KCND2: variants seen among roughly 807,000 people sequenced by gnomAD.
KCND2 encodes the protein potassium voltage-gated channel subfamily D member 2, also known as A-type voltage-gated potassium channel KCND2.
KCND2 carries 16 observed loss-of-function variants against 54.4 expected under a neutral mutation model. The ratio of observed to expected loss-of-function variants is 0.29; its 90% confidence interval spans 0.20 to 0.45. The LOEUF (loss-of-function observed/expected upper bound fraction) is 0.45. KCND2 is among the 20% of genes least tolerant of loss of function. The pLI, the probability that KCND2 is intolerant of heterozygous loss-of-function variation, is 1.00. For missense variants in KCND2, 486 were observed against 824.2 expected, an observed-to-expected ratio of 0.59 and a Z score of 5.02; for synonymous variants, 317 against 310.7, an observed-to-expected ratio of 1.02 and a Z score of -0.21.
At chr7:120,386,515 C>G (rs1327522847) in intron 1 of KCND2, among the ~76,000 whole-genome samples, 1 of 152,088 alleles carries the variant, frequency 6.6e-6, no homozygotes, top group Non-Finnish European at 1.5e-5. Flanking sequence ...AGAGTAAATA[C>G]AATTACAAAT....
chr7:120,426,299 T>C (rs1431935010), intron 1 of KCND2, among the ~76,000 whole-genome samples: 2 of 152,160 alleles, frequency 1.3e-5, no homozygotes, highest in Non-Finnish European at 2.9e-5. Context: ...CATTCTCTTA[T>C]GTCTCAAAGA....
intron 1 of KCND2, among the ~76,000 whole-genome samples, chr7:120,459,577 A>C (rs1462959254): frequency 6.6e-6 from 1 of 152,206 alleles, no homozygotes; most frequent in African/African-American, 2.4e-5. Flanking sequence ...AGATCAATGA[A>C]AGCAAGGATT....
intron 1 of KCND2, among the ~76,000 whole-genome samples, chr7:120,579,166 G>A (rs986755522): frequency 1.1e-4 from 17 of 151,792 alleles, no homozygotes; most frequent in African/African-American, 3.6e-4. Context: ...AAAGAGGATA[G>A]AGATAAAATT....
At chr7:120,398,174 C>T (rs922270563) in intron 1 of KCND2, among the ~76,000 whole-genome samples, 4 of 147,598 alleles carry the variant, frequency 2.7e-5, no homozygotes, top group Non-Finnish European at 5.9e-5. Flanking sequence ...CACACACACA[C>T]ACACACATAT....
chr7:120,746,108 A>C (rs919771658), intron 5 of KCND2, 81 bp downstream of exon 5: 7 of 1,501,992 alleles, frequency 4.7e-6, no homozygotes, highest in Non-Finnish European at 6.4e-6. Context: ...TGTCACTTAC[A>C]TGGCATCTAA....
intron 1 of KCND2, among the ~76,000 whole-genome samples, chr7:120,293,393 A>T (rs1799464635): frequency 6.6e-6 from 1 of 151,834 alleles, no homozygotes; most frequent in South Asian, 2.1e-4. Context: ...GAGAAGGAAG[A>T]CTCTATAACA....
chr7:120,376,457 A>T (rs1180574696), intron 1 of KCND2, among the ~76,000 whole-genome samples: 1 of 151,128 alleles, frequency 6.6e-6, no homozygotes, highest in Non-Finnish European at 1.5e-5. Flanking sequence ...CAGTTTTTAA[A>T]ATATTTTTAC....
chr7:120,702,051 T>G (rs75213725), intron 1 of KCND2, among the ~76,000 whole-genome samples: 1 of 151,964 alleles, frequency 6.6e-6, no homozygotes, highest in African/African-American at 2.4e-5. Flanking sequence ...TCAAAAACTA[T>G]GTACCTGACA....
intron 1 of KCND2, among the ~76,000 whole-genome samples, chr7:120,354,056 T>C (rs1800455392): frequency 6.6e-6 from 1 of 152,182 alleles, no homozygotes; most frequent in Non-Finnish European, 1.5e-5. Flanking sequence ...CATATGAAAG[T>C]ACACTTATTG....
intron 1 of KCND2, among the ~76,000 whole-genome samples, chr7:120,681,658 T>C (rs1243666797): frequency 6.6e-6 from 1 of 152,080 alleles, no homozygotes; most frequent in Admixed American, 6.6e-5. Flanking sequence ...AAGTGAGTTT[T>C]AGGCTTTCTA....
At chr7:120,624,084 T>C in intron 1 of KCND2, among the ~76,000 whole-genome samples, 1 of 152,162 alleles carries the variant, frequency 6.6e-6, no homozygotes, top group East Asian at 1.9e-4. Flanking sequence ...AAATTGTCAA[T>C]GGCAAAGAAA....
intron 1 of KCND2, among the ~76,000 whole-genome samples, chr7:120,655,394 G>A (rs141209739): frequency 6.6e-6 from 1 of 151,766 alleles, no homozygotes; most frequent in Non-Finnish European, 1.5e-5. Flanking sequence ...ACTTATTCAG[G>A]GTTGCATTCC....
chr7:120,416,405 A>C (rs1801525932), intron 1 of KCND2, among the ~76,000 whole-genome samples: 1 of 152,184 alleles, frequency 6.6e-6, no homozygotes, highest in Admixed American at 6.5e-5. Flanking sequence ...ATAGCTCAAA[A>C]ATCACTTCTT....
chr7:120,397,972 AGT>A lies in KCND2; in HGVS notation c.1115+122248_1115+122249del, dbSNP rs372421333. 8.4e-3 allele frequency among the ~76,000 whole-genome samples: 920 copies of A among 109,142 alleles called. 4 individuals are homozygous for A. Among genetic ancestry groups the A allele is most frequent in the African/African-American group, 0.015 (418 of 28,454 alleles). The allele number at this position is 109,142 out of a possible 152,430, so 71.6% of individuals were successfully genotyped here. On this transcript the variant is annotated intron_variant, in intron 1 of 5. Coordinates refer to ENST00000331113, the MANE Select transcript of KCND2 (RefSeq NM_012281.3). ...ACATAACTATATGTGTGTGTATATA[AGT>A]GTGTGTGTGTGTGTGTGTGTGTATA... is the stretch of plus-strand genomic sequence containing the variant.
At chr7:120,290,974 G>A (rs1799427784) in intron 1 of KCND2, among the ~76,000 whole-genome samples, 1 of 151,816 alleles carries the variant, frequency 6.6e-6, no homozygotes, top group African/African-American at 2.4e-5. Context: ...GATTTATTTG[G>A]CACTCATATC....
At chr7:120,433,133 C>T (rs189204106) in intron 1 of KCND2, among the ~76,000 whole-genome samples, 5 of 152,240 alleles carry the variant, frequency 3.3e-5, no homozygotes, top group Non-Finnish European at 5.9e-5. Flanking sequence ...CGTGTGGACG[C>T]TTTTTCAAAT....
At chr7:120,638,564 C>T (rs1489023876) in intron 1 of KCND2, among the ~76,000 whole-genome samples, 1 of 152,002 alleles carries the variant, frequency 6.6e-6, no homozygotes, top group Non-Finnish European at 1.5e-5. Context: ...TATGTGGATC[C>T]TAAAATAGTG....
At chr7:120,480,160 A>G (rs1456221676) in intron 1 of KCND2, among the ~76,000 whole-genome samples, 1 of 152,054 alleles carries the variant, frequency 6.6e-6, no homozygotes, top group Non-Finnish European at 1.5e-5. Context: ...ATCTATTTTT[A>G]GGGAATATTT....
At chr7:120,615,943 T>C (rs1373253664) in intron 1 of KCND2, among the ~76,000 whole-genome samples, 3 of 152,212 alleles carry the variant, frequency 2.0e-5, no homozygotes, top group Non-Finnish European at 2.9e-5. Context: ...TTTTCTGACT[T>C]TTAACGGTGG....
Sources: allele counts gnomAD v4.1 joint callset (sites outside exome capture counted in the v4.1 genomes callset), GRCh38; gene constraint gnomAD v4.1.1; transcripts MANE v1.5; gene names NCBI Gene and HGNC (gene_info 2026-07-23, HGNC 2026-07-21).